The following CAMKMT variants were observed in gnomAD, a reference collection of about 807,000 sequenced individuals.
The protein encoded by CAMKMT is CaM KMT.
A neutral mutation model predicts 48.0 loss-of-function variants in CAMKMT; 53 were observed. The observed-to-expected ratio is 1.10, with a 90% CI of 0.89 to 1.39. The LOEUF (loss-of-function observed/expected upper bound fraction) is 1.39. Among genes scored for constraint, CAMKMT ranks in the 40% most tolerant of loss-of-function variants. CAMKMT has a pLI of 0.00. For missense variants in CAMKMT, 428 were observed against 402.7 expected (o/e 1.06, Z -0.54); for synonymous variants, 165 against 152.3 (o/e 1.08, Z -0.61).
intron 3 of CAMKMT, among the ~76,000 whole-genome samples, chr2:44,469,361 G>A (rs115369270): frequency 0.023 from 2,680 of 114,220 alleles, 83 homozygotes; most frequent in African/African-American, 0.081. Context: ...TTTTTTTTTT[G>A]TTATAAATAA....
At chr2:44,468,011 A>G (rs1363278110) in intron 3 of CAMKMT, among the ~76,000 whole-genome samples, 1 of 152,176 alleles carries the variant, frequency 6.6e-6, no homozygotes, top group African/African-American at 2.4e-5. Flanking sequence ...AAATAGTATT[A>G]TATAAAACTA....
intron 3 of CAMKMT, among the ~76,000 whole-genome samples, chr2:44,446,032 A>AG (rs1666976390): frequency 1.3e-5 from 2 of 151,946 alleles, no homozygotes; most frequent in African/African-American, 4.8e-5. Flanking sequence ...ACTTCTTTAG[A>AG]GGGGGGAATG....
At chr2:44,501,440 T>G (rs764123665) in intron 3 of CAMKMT, among the ~76,000 whole-genome samples, 6 of 152,182 alleles carry the variant, frequency 3.9e-5, no homozygotes, top group Non-Finnish European at 5.9e-5. Context: ...GGGTCTATTT[T>G]AAATGCTACG....
chr2:44,459,784 C>T (rs1216835892), intron 3 of CAMKMT, among the ~76,000 whole-genome samples: 1 of 152,182 alleles, frequency 6.6e-6, no homozygotes, highest in Non-Finnish European at 1.5e-5. Context: ...CATTTGTCTC[C>T]TTTCTCAAAA....
chr2:44,574,256 C>T (rs1012026838), intron 3 of CAMKMT, among the ~76,000 whole-genome samples: 1 of 152,150 alleles, frequency 6.6e-6, no homozygotes. Flanking sequence ...GAGCATGGCC[C>T]AGTGCCTTTA....
chr2:44,616,671 C>T (rs1671908964), intron 3 of CAMKMT, among the ~76,000 whole-genome samples: 1 of 152,088 alleles, frequency 6.6e-6, no homozygotes, highest in South Asian at 2.1e-4. Context: ...CACCTCATCC[C>T]AGGGTTCAAC....
chr2:44,380,449 C>A (rs551153695), intron 2 of CAMKMT, among the ~76,000 whole-genome samples: 2 of 151,996 alleles, frequency 1.3e-5, no homozygotes, highest in South Asian at 4.2e-4. Context: ...TTGTTATAGG[C>A]ATTACTAGCG....
chr2:44,373,723 G>T (rs983792184), intron 2 of CAMKMT, among the ~76,000 whole-genome samples: 2 of 152,138 alleles, frequency 1.3e-5, no homozygotes, highest in Non-Finnish European at 2.9e-5. Flanking sequence ...TTTTAGTTTA[G>T]AATATCTAAG....
chr2:44,610,553 A>G (rs553212317), intron 3 of CAMKMT, among the ~76,000 whole-genome samples: 9 of 152,358 alleles, frequency 5.9e-5, no homozygotes, highest in African/African-American at 1.2e-4. Flanking sequence ...AACTGTCAGT[A>G]TGACCAAAAT....
At chr2:44,393,347 A>G (rs1300915433) in intron 3 of CAMKMT, 1 of 152,204 alleles carries the variant, frequency 6.6e-6, no homozygotes, top group Non-Finnish European at 1.5e-5. Flanking sequence ...GTAACTTTTC[A>G]TTGCTTGAAT....
rs1041535097 is a variant in CAMKMT, at chr2:44,765,227, C to CA, written c.763-1193dup. The stretch of plus-strand genomic sequence containing the variant: ...TGGGTGACAGAGTGGGACTCTGTCT[C>CA]AAAAAAAAAATGTCTAAAGGAGATG... On this transcript the variant is annotated intron_variant, in intron 9 of 10. Coordinates refer to ENST00000378494, the MANE Select transcript of CAMKMT (RefSeq NM_024766.5). Among the ~76,000 whole-genome samples, 19 of 146,432 alleles carry CA rather than the reference C, an allele frequency of 1.3e-4. No homozygotes were observed. In the East Asian group the frequency reaches 1.4e-3, roughly 11 times the overall value.
At chr2:44,659,060 TTG>T (rs149216364) in intron 3 of CAMKMT, among the ~76,000 whole-genome samples, 1 of 149,390 alleles carries the variant, frequency 6.7e-6, no homozygotes, top group Non-Finnish European at 1.5e-5. Flanking sequence ...AAAACCACTT[TTG>T]TGTGTGTGTG....
chr2:44,688,232 TG>T (rs1676448346), intron 3 of CAMKMT, among the ~76,000 whole-genome samples: 1 of 152,084 alleles, frequency 6.6e-6, no homozygotes, highest in Admixed American at 6.5e-5. Context: ...ACAAGTTGGT[TG>T]GAGACATTTG....
chr2:44,675,078 A>AGAG (rs1558788050), intron 3 of CAMKMT, among the ~76,000 whole-genome samples: 2 of 137,610 alleles, frequency 1.5e-5, no homozygotes, highest in Non-Finnish European at 3.2e-5. Flanking sequence ...ACCAACCTTA[A>AGAG]GGGGGGGAAA....
At chr2:44,424,011 A>G (rs1304363538) in intron 3 of CAMKMT, among the ~76,000 whole-genome samples, 1 of 152,176 alleles carries the variant, frequency 6.6e-6, no homozygotes, top group Non-Finnish European at 1.5e-5. Context: ...TTTTGTTTTT[A>G]TGAATAATTA....
At chr2:44,530,440 A>G (rs1666421186) in intron 3 of CAMKMT, among the ~76,000 whole-genome samples, 1 of 152,232 alleles carries the variant, frequency 6.6e-6, no homozygotes, top group African/African-American at 2.4e-5. Context: ...ATATTCATTT[A>G]GCTCTTAAGG....
intron 10 of CAMKMT, among the ~76,000 whole-genome samples, chr2:44,767,029 T>C (rs1053932010): frequency 1.3e-5 from 2 of 152,236 alleles, no homozygotes; most frequent in South Asian, 2.1e-4. Context: ...TTAAATCTCA[T>C]ACAGAATTTC....
At chr2:44,738,711 A>G (rs1679498938) in intron 7 of CAMKMT, among the ~76,000 whole-genome samples, 2 of 152,202 alleles carry the variant, frequency 1.3e-5, no homozygotes, top group African/African-American at 4.8e-5. Context: ...AACAAAATCA[A>G]TAATTTAGTT....
At chr2:44,427,683 T>C (rs1334923515) in intron 3 of CAMKMT, among the ~76,000 whole-genome samples, 3 of 152,246 alleles carry the variant, frequency 2.0e-5, no homozygotes, top group South Asian at 4.1e-4. Context: ...ATGTATTTTT[T>C]TTTAGCCTTC....
Sources: allele counts gnomAD v4.1 joint callset (sites outside exome capture counted in the v4.1 genomes callset), GRCh38; gene constraint gnomAD v4.1.1; transcripts MANE v1.5; gene names NCBI Gene and HGNC (gene_info 2026-07-23, HGNC 2026-07-21).